SYTL3: variants seen among roughly 807,000 people sequenced by gnomAD.
The protein encoded by SYTL3 is synaptotagmin like 3.
A neutral mutation model predicts 82.1 loss-of-function variants in SYTL3; 88 were observed. The observed-to-expected ratio is 1.07, with a 90% CI of 0.90 to 1.28. The LOEUF is 1.28. Ranked by LOEUF, SYTL3 falls within the 50% of genes most tolerant of loss-of-function variation. The pLI is 0.00. For synonymous variants in SYTL3, 311 were observed against 289.4 expected (o/e 1.07, Z -0.76); for missense variants, 831 against 757.6 (o/e 1.10, Z -1.14).
intron 2 of SYTL3, among the ~76,000 whole-genome samples, chr6:158,657,283 G>T (rs552243550): frequency 1.3e-5 from 2 of 151,900 alleles, no homozygotes; most frequent in African/African-American, 4.8e-5. Context: ...AAAATTAGCC[G>T]TGTGTGATGG....
In SYTL3 at chr6:158,729,044, C is replaced by T. The variant is rs561369679; in HGVS notation, c.855+3407C>T. On this transcript the variant is annotated intron_variant, in intron 11 of 17. Transcript: ENST00000611299. ...CTCCAGCCTGGGCGACAGAGCGAGA[C>T]TCTGTCTCAAAAAACAAATAAACAA... 4.5e-4 allele frequency among the ~76,000 whole-genome samples: 69 copies of T among 152,256 alleles called. 3 individuals are homozygous for T. In the South Asian group the frequency reaches 0.013, roughly 29 times the overall value.
At chr6:158,673,846 G>A (rs1051144341) in intron 5 of SYTL3, among the ~76,000 whole-genome samples, 14 of 151,096 alleles carry the variant, frequency 9.3e-5, no homozygotes, top group Non-Finnish European at 1.9e-4. Context: ...CACTTTGGGA[G>A]GCCGAGCTGG....
chr6:158,710,250 A>G (rs568482260), intron 8 of SYTL3, among the ~76,000 whole-genome samples: 11 of 152,294 alleles, frequency 7.2e-5, no homozygotes, highest in Admixed American at 3.9e-4. Context: ...TATGGCTGGT[A>G]TTGTGTGCAT....
intron 1 of SYTL3, among the ~76,000 whole-genome samples, chr6:158,651,224 G>A (rs1787972539): frequency 1.3e-5 from 2 of 152,176 alleles, no homozygotes; most frequent in South Asian, 4.1e-4. Context: ...CAGAGTAAGA[G>A]CTAAATAAAT....
intron 12 of SYTL3, among the ~76,000 whole-genome samples, chr6:158,749,411 GAAAGA>G (rs1379032170): frequency 1.5e-5 from 1 of 67,548 alleles, no homozygotes; most frequent in Non-Finnish European, 3.3e-5. Context: ...AAAAAAAAAA[GAAAGA>G]AAAAAATATA....
At chr6:158,680,725 C>G (rs1778594664) in intron 5 of SYTL3, among the ~76,000 whole-genome samples, 1 of 152,150 alleles carries the variant, frequency 6.6e-6, no homozygotes, top group African/African-American at 2.4e-5. Context: ...GCACTCCAGC[C>G]TCAACAACAG....
chr6:158,751,602 C>T (rs1191241152), intron 12 of SYTL3, among the ~76,000 whole-genome samples: 1 of 152,160 alleles, frequency 6.6e-6, no homozygotes, highest in Non-Finnish European at 1.5e-5. Flanking sequence ...GCCTTGACAT[C>T]CAGGCAGGCG....
chr6:158,712,755 CTTTCTTTTTTTT>C (rs1782899464), intron 8 of SYTL3, among the ~76,000 whole-genome samples: 1 of 137,708 alleles, frequency 7.3e-6, no homozygotes, highest in Non-Finnish European at 1.6e-5. Context: ...TCTTTTCTTT[CTTTCTTTTTTTT>C]TTTTTTTTTG....
At chr6:158,724,005 C>T (rs575683199) in intron 10 of SYTL3, among the ~76,000 whole-genome samples, 147 of 152,172 alleles carry the variant, frequency 9.7e-4, no homozygotes, top group Non-Finnish European at 1.8e-3. Context: ...TCAGGCTTAC[C>T]CCAGCCAGCC....
rs1210279406 is a variant in SYTL3, at chr6:158,763,330, AACTGAG to A, written c.1550_1555del (p.Arg517_Leu518del). On this transcript the variant is annotated inframe_deletion, in exon 17 of 18. Coordinates refer to ENST00000611299, the MANE Select transcript of SYTL3 (RefSeq NM_001242394.2). ...TGTCTCACTCTGCCAGACCAACAAA[AACTGAG>A]ACTGAAGTCGCCAGTCCTGAGGAAG... 6.2e-7 allele frequency: 1 copy of A among 1,614,078 alleles called. No homozygotes were observed. The highest frequency in any genetic ancestry group is 1.3e-5 in the African/African-American group (1 of 74,940).
chr6:158,741,449 CA>C (rs1217727549), intron 11 of SYTL3, among the ~76,000 whole-genome samples: 2 of 152,164 alleles, frequency 1.3e-5, no homozygotes, highest in Non-Finnish European at 2.9e-5. Flanking sequence ...TTCTGTTGAT[CA>C]ATGCTGGCTG....
chr6:158,748,204 G>A (rs1787916732), intron 12 of SYTL3, among the ~76,000 whole-genome samples: 1 of 151,598 alleles, frequency 6.6e-6, no homozygotes, highest in Non-Finnish European at 1.5e-5. Context: ...CTGGCATACT[G>A]TTTTAATTAC....
intron 6 of SYTL3, among the ~76,000 whole-genome samples, chr6:158,690,961 A>G (rs6937242): frequency 0.23 from 35,419 of 151,976 alleles, 4,437 homozygotes; most frequent in Non-Finnish European, 0.27. Context: ...TCCTGGACCC[A>G]CGCTCCAGGA....
intron 15 of SYTL3, among the ~76,000 whole-genome samples, 191 bp downstream of exon 15, chr6:158,760,936 A>C (rs572419897): frequency 6.6e-6 from 1 of 152,028 alleles, no homozygotes; most frequent in Admixed American, 6.5e-5. Context: ...GTAGTGGGGG[A>C]AACGGGTGAC....
rs191550978 is a variant in SYTL3, at chr6:158,757,166, C to T, written c.1138-45C>T. ...TCCAGAGATGGGGATCCTAGGAGTGCGGGCCCCGGGAGCCCAGCTGACCAT... is the reference window on the plus strand; with the variant it reads ...TCCAGAGATGGGGATCCTAGGAGTGTGGGCCCCGGGAGCCCAGCTGACCAT... On this transcript the variant is annotated intron_variant, in intron 13 of 17. Transcript: ENST00000611299. The T allele has an allele frequency of 6.3e-4, 982 of 1,568,866 alleles. 7 individuals are homozygous for T. In the African/African-American group the frequency reaches 0.011, roughly 18 times the overall value.
intron 5 of SYTL3, among the ~76,000 whole-genome samples, chr6:158,676,472 T>TA (rs1274401475): frequency 4.6e-5 from 7 of 151,908 alleles, no homozygotes; most frequent in African/African-American, 1.7e-4. Flanking sequence ...ACCTAGGCAA[T>TA]ACCATTCAGG....
intron 14 of SYTL3, among the ~76,000 whole-genome samples, chr6:158,757,747 C>CA (rs1459311569): frequency 6.6e-6 from 1 of 152,238 alleles, no homozygotes; most frequent in African/African-American, 2.4e-5. Flanking sequence ...TGCGGTCCCC[C>CA]AGGGGGCTAC....
intron 14 of SYTL3, 33 bp from the exon 15 acceptor site, chr6:158,760,607 A>G: frequency 1.3e-6 from 2 of 1,582,944 alleles, no homozygotes; most frequent in Non-Finnish European, 8.7e-7. Context: ...GACTTGGGGA[A>G]TCCTGTCCCT....
At chr6:158,669,073 C>CG (rs1380752509) in intron 5 of SYTL3, among the ~76,000 whole-genome samples, 1 of 151,990 alleles carries the variant, frequency 6.6e-6, no homozygotes, top group Non-Finnish European at 1.5e-5. Context: ...TGTTTCTTCC[C>CG]GGGGAATGTA....
Sources: gnomAD v4.1 joint callset for allele counts (sites outside exome capture counted in the v4.1 genomes callset) on GRCh38, gnomAD v4.1.1 for gene constraint, MANE v1.5 for transcripts, NCBI Gene and HGNC (gene_info 2026-07-23, HGNC 2026-07-21) for gene names.